MAMDC4: variants seen among roughly 807,000 people sequenced by gnomAD.
The protein encoded by MAMDC4 is MAM domain containing 4.
MAMDC4 carries 168 observed loss-of-function variants against 153.3 expected under a neutral mutation model. The observed-to-expected ratio is 1.10, with a 90% CI of 0.97 to 1.25. The LOEUF (loss-of-function observed/expected upper bound fraction) is 1.25, where lower values mean the gene tolerates loss of function less well. MAMDC4 is among the 50% of genes most tolerant of loss of function. MAMDC4 has a pLI of 0.00. For synonymous variants in MAMDC4, 744 were observed against 651.5 expected (o/e 1.14, Z -2.16); for missense variants, 1,701 against 1,542.8 (o/e 1.10, Z -1.72).
At position 136,858,538 on chromosome 9, in the gene MAMDC4, C is replaced by A. The variant is rs778229418; in HGVS notation, c.2813C>A (p.Thr938Lys). 3 of 1,581,238 alleles carry A rather than the reference C, an allele frequency of 1.9e-6. No homozygotes were observed. The highest frequency in any genetic ancestry group is 2.6e-6 in the Non-Finnish European group (3 of 1,165,124). The change falls in exon 22 of 27, where the codon ACA (threonine) becomes AAA (lysine). Residue 938 changes from threonine to lysine, a missense_variant. Physicochemically the swap from Thr to Lys is moderately conservative, Grantham distance 78. Transcript: ENST00000317446. Reference protein sequence around the residue: ...PQPPVDHTLGTEAGHFAFFET... With the variant: ...PQPPVDHTLGKEAGHFAFFET... ...CCCCCTGTGGACCACACCCTGGGCA[C>A]AGAGGCAGGTACGTGCCCACTGGAG...
Position 136,859,280 on chromosome 9 carries a change from G to C in MAMDC4, c.3156G>C (p.Leu1052=), listed in dbSNP as rs1564389270. ...GPIALDDVEY[L]AGQHCQQPAP... ...TTGCCCTGGATGACGTGGAGTATCT[G>C]GCTGGGCAGCATTGCCAGCAGCCTG... The change falls in exon 25 of 27, where the codon CTG becomes CTC. Residue 1052 remains leucine, a synonymous_variant. Coordinates refer to ENST00000317446, the MANE Select transcript of MAMDC4 (RefSeq NM_206920.3). 2.5e-6 allele frequency: 4 copies of C among 1,612,012 alleles called. No homozygotes were observed. The highest frequency in any genetic ancestry group is 1.1e-5 in the South Asian group (1 of 90,988).
rs1173470205 is a variant in MAMDC4, at chr9:136,853,687, C to A, written c.454+17C>A. The A allele has an allele frequency of 1.3e-6, 2 of 1,538,592 alleles. No homozygotes were observed. The highest frequency in any genetic ancestry group is 1.7e-5 in the Admixed American group (1 of 57,276). On this transcript the variant is annotated intron_variant, in intron 4 of 26. Transcript: ENST00000317446. ...CCTCTGGAGGTGCACCCTGGACCCC[C>A]AAGGCTCGTGGGGGGTGCCCAAGGG... is the stretch of plus-strand genomic sequence containing the variant.
rs762173903 is a variant in MAMDC4, at chr9:136,856,711, G to A, written c.1722G>A (p.Glu574=). The stretch of plus-strand genomic sequence containing the variant: ...GACGCCACCTGGCCCCACCCCCAGA[G>A]GTCTCCTGTAACTTTGAGCGGGACA... ...LAYYLQSQPR[E]VSCNFERDTC... The change falls in exon 15 of 27, where the codon GAG becomes GAA. Residue 574 remains glutamate (E), a splice_region_variant and synonymous_variant. Transcript: ENST00000317446. 3.0e-5 allele frequency: 48 copies of A among 1,612,640 alleles called. No individual in the cohort carries two copies. Among genetic ancestry groups the A allele is most frequent in the Non-Finnish European group, 4.0e-5 (47 of 1,179,856 alleles).
Position 136,859,989 on chromosome 9 carries a change from G to C in MAMDC4, c.3297G>C (p.Gln1099His). 1 of 1,612,408 alleles carries C rather than the reference G, an allele frequency of 6.2e-7. No homozygotes were observed. The highest frequency in any genetic ancestry group is 1.3e-5 in the African/African-American group (1 of 75,036). Reference sequence around the variant, plus strand: ...GACTTGGGGGACGGCGCTGGCTGCAGAAGAAGGGGAGCTGCCCCTTCCAGA... The same window carrying C: ...GACTTGGGGGACGGCGCTGGCTGCACAAGAAGGGGAGCTGCCCCTTCCAGA... ...LLGLGGRRWL[Q>H]KKGSCPFQSN... is the part of the protein sequence containing the mutation. Residue 1099 changes from glutamine to histidine, a missense_variant, in exon 26 of 27, where the codon CAG (glutamine) becomes CAC (histidine). Physicochemically the swap from Gln to His is conservative, Grantham distance 24 (BLOSUM62 0). Transcript: ENST00000317446.
rs1340714328 is a variant in MAMDC4 at position 136,854,800 on chromosome 9, G to T, written c.973G>T (p.Ala325Ser). 2.5e-6 allele frequency: 4 copies of T among 1,612,730 alleles called. No homozygotes were observed. The highest frequency in any genetic ancestry group is 3.4e-6 in the Non-Finnish European group (4 of 1,179,896). Residue 325 changes from alanine to serine, a missense_variant, in exon 9 of 27, where the codon GCT becomes TCT. Ala to Ser is a moderately conservative substitution (Grantham distance 99, BLOSUM62 1). Coordinates refer to ENST00000317446, the MANE Select transcript of MAMDC4 (RefSeq NM_206920.3). ...LVSVAEPGTP[A>S]ILSSPEFQAS... Reference sequence around the variant, plus strand: ...CTCCGTGGCCGAGCCTGGCACCCCTGCTATACTCTCCAGCCCCGAATTCCA... The same window carrying T: ...CTCCGTGGCCGAGCCTGGCACCCCTTCTATACTCTCCAGCCCCGAATTCCA...
At position 136,856,185 on chromosome 9, in the gene MAMDC4, C is replaced by G. The variant is rs778948392; in HGVS notation, c.1720+36C>G. The G allele has an allele frequency of 1.9e-6, 3 of 1,611,508 alleles. No homozygotes were observed. In the African/African-American group the frequency reaches 4.0e-5, roughly 22 times the overall value. Reference sequence around the variant, plus strand: ...ACTCCGCAAGTTCCCTGGCCAGCCCCTGGGTGCTCCCTGCACAGTGGGAGG... The same window carrying G: ...ACTCCGCAAGTTCCCTGGCCAGCCCGTGGGTGCTCCCTGCACAGTGGGAGG... On this transcript the variant is annotated intron_variant, in intron 14 of 26. Coordinates refer to ENST00000317446, the MANE Select transcript of MAMDC4 (RefSeq NM_206920.3).
rs1325079486 is a variant in MAMDC4, at chr9:136,858,859, T to C, written c.2956+6T>C. The C allele has an allele frequency of 1.2e-6, 2 of 1,604,656 alleles. No individual in the cohort carries two copies. The highest frequency in any genetic ancestry group is 2.2e-5 in the South Asian group (2 of 90,586). On this transcript the variant is annotated splice_donor_region_variant and intron_variant, in intron 23 of 26. Transcript: ENST00000317446. ...GGGTTTTCCTGAGCACTTCTGTGAG[T>C]CCGGCTGGGCCAATGGGTGCCTGGG...
chr9:136,853,037 C>A, intron 1 of MAMDC4, 65 bp from the exon 2 acceptor site: 2 of 1,392,932 alleles, frequency 1.4e-6, no homozygotes, highest in South Asian at 1.2e-5. Context: ...ACTGAATAGT[C>A]CTAGGCAGGC....
chr9:136,853,244 G>A (rs2131231736), intron 2 of MAMDC4, 35 bp downstream of exon 2: 1 of 1,612,222 alleles, frequency 6.2e-7, no homozygotes, highest in Non-Finnish European at 8.5e-7. Context: ...CAGGGCCAGT[G>A]CGAGCAGGTC....
In MAMDC4 at chr9:136,853,909, T is replaced by A. The variant is rs778313754; in HGVS notation, c.585+2T>A. 2.5e-6 allele frequency: 4 copies of A among 1,612,444 alleles called. No individual in the cohort carries two copies. The highest frequency in any genetic ancestry group is 2.2e-5 in the East Asian group (1 of 44,860). ...GGCCGCATCCGGGGTGACTTCCGAGTGAGCTGGGAGGGTCTGGACGAGTGG... is the reference window on the plus strand; with the variant it reads ...GGCCGCATCCGGGGTGACTTCCGAGAGAGCTGGGAGGGTCTGGACGAGTGG... On this transcript the variant is annotated splice_donor_variant, in intron 5 of 26. Coordinates refer to ENST00000317446, the MANE Select transcript of MAMDC4 (RefSeq NM_206920.3). LOFTEE classifies it high-confidence loss of function.
Position 136,856,927 on chromosome 9 carries a change from C to T in MAMDC4, c.1858C>T (p.Pro620Ser), listed in dbSNP as rs1849014055. The T allele has an allele frequency of 6.2e-7, 1 of 1,609,496 alleles. No individual in the cohort carries two copies. The highest frequency in any genetic ancestry group is 1.3e-5 in the African/African-American group (1 of 74,880). Residue 620 changes from proline to serine, a missense_variant, in exon 16 of 27, where the codon CCC becomes TCC. Coordinates refer to ENST00000317446, the MANE Select transcript of MAMDC4 (RefSeq NM_206920.3). ...TGQGHFVLLD[P>S]TDPLAWGHSA... ...TGCAGGCCACTTTGTGCTCCTGGACCCCACAGACCCCCTGGCCTGGGGCCA... is the reference window on the plus strand; with the variant it reads ...TGCAGGCCACTTTGTGCTCCTGGACTCCACAGACCCCCTGGCCTGGGGCCA...
chr9:136,852,937 C>T (rs1399656773), intron 1 of MAMDC4, among the ~76,000 whole-genome samples, 165 bp from the exon 2 acceptor site: 3 of 152,224 alleles, frequency 2.0e-5, no homozygotes, highest in Non-Finnish European at 2.9e-5. Context: ...GGTCCTGAGC[C>T]GGGTGGGAGT....
rs764658699 is a variant in MAMDC4, at chr9:136,858,311, G to A, written c.2674+35G>A. ...CTGCCGTGGCCTCGGCCCTGCTCTG[G>A]GGTGCCTGCCTAGCCCTTTCCCTTC... On this transcript the variant is annotated intron_variant, in intron 21 of 26. Transcript: ENST00000317446. 7 of 1,600,602 alleles carry A rather than the reference G, an allele frequency of 4.4e-6. No homozygotes were observed. The South Asian group carries it at 4.4e-5, about 10-fold the overall frequency.
rs371983647 is a variant in MAMDC4, at chr9:136,860,634, G to C, written c.*31G>C. The C allele has an allele frequency of 1.2e-6, 2 of 1,612,582 alleles. No individual in the cohort carries two copies. Among genetic ancestry groups the C allele is most frequent in the African/African-American group, 2.7e-5 (2 of 74,906 alleles). On this transcript the variant is annotated 3_prime_UTR_variant, in exon 27 of 27. Coordinates refer to ENST00000317446, the MANE Select transcript of MAMDC4 (RefSeq NM_206920.3). The stretch of plus-strand genomic sequence containing the variant: ...CCCAGACAAGGCCCCGCTTCCTCAC[G>C]TGACATCCAGCACTTGGTCAGACCC...
At chr9:136,854,157 G>C in intron 6 of MAMDC4, 54 bp from the exon 7 acceptor site, 3 of 1,611,286 alleles carry the variant, frequency 1.9e-6, no homozygotes, top group East Asian at 2.2e-5. Flanking sequence ...GTCTGCCCCC[G>C]AGTGCTCTCC....
chr9:136,856,974 G>A lies in MAMDC4; in HGVS notation c.1905G>A (p.Arg635=), dbSNP rs781285634. The part of the protein sequence containing the change: ...AWGHSAHLLS[R]PQVPAAPTEC... Reference sequence around the variant, plus strand: ...GCCACAGTGCCCACCTGCTCTCCAGGCCCCAGGTGCCAGCAGCACCCACGG... The same window carrying A: ...GCCACAGTGCCCACCTGCTCTCCAGACCCCAGGTGCCAGCAGCACCCACGG... The change falls in exon 16 of 27, where the codon AGG becomes AGA. Residue 635 remains arginine, a synonymous_variant. Transcript: ENST00000317446. 4.3e-6 allele frequency: 7 copies of A among 1,612,460 alleles called. No homozygotes were observed. The East Asian group carries it at 8.9e-5, about 21-fold the overall frequency.
At chr9:136,856,632 A>T (rs1227365438) in intron 14 of MAMDC4, 78 bp from the exon 15 acceptor site, 1 of 1,389,754 alleles carries the variant, frequency 7.2e-7, no homozygotes, top group African/African-American at 1.4e-5. Context: ...TCCTCCAGGG[A>T]CCCCGGAGCT....
In MAMDC4 at chr9:136,860,657, C is replaced by T. The variant is rs953798879; in HGVS notation, c.*54C>T. On this transcript the variant is annotated 3_prime_UTR_variant, in exon 27 of 27. Transcript: ENST00000317446. The stretch of plus-strand genomic sequence containing the variant: ...ACGTGACATCCAGCACTTGGTCAGA[C>T]CCTAGCCAGGGACCGGACACCTGCC... 3 of 1,603,668 alleles carry T rather than the reference C, an allele frequency of 1.9e-6. No individual in the cohort carries two copies. The highest frequency in any genetic ancestry group is 2.6e-6 in the Non-Finnish European group (3 of 1,171,996).
Position 136,853,816 on chromosome 9 carries a change from A to T in MAMDC4, c.494A>T (p.Glu165Val), listed in dbSNP as rs756640114. ...CGGGTGGAGCTGACCCATGGCGCAG[A>T]GACCCTGACCCTGTGGCAGAGCACA... ...ELRVELTHGA[E>V]TLTLWQSTGP... The change falls in exon 5 of 27, where the codon GAG becomes GTG. Residue 165 changes from glutamate (E) to valine (V), a missense_variant. Transcript: ENST00000317446. 6.2e-7 allele frequency: 1 copy of T among 1,612,124 alleles called. No individual in the cohort carries two copies. The highest frequency in any genetic ancestry group is 8.5e-7 in the Non-Finnish European group (1 of 1,179,590).
Sources: gnomAD v4.1 joint callset for allele counts (sites outside exome capture counted in the v4.1 genomes callset) on GRCh38, gnomAD v4.1.1 for gene constraint, MANE v1.5 for transcripts, NCBI Gene and HGNC (gene_info 2026-07-23, HGNC 2026-07-21) for gene names.